Variants in PACRG observed in about 807,000 individuals in gnomAD.
PACRG encodes the protein parkin coregulated gene protein.
PACRG carries 29 observed loss-of-function variants against 29.7 expected under a neutral mutation model. The observed-to-expected ratio is 0.98, with a 90% CI of 0.73 to 1.33. PACRG has a LOEUF of 1.33. Among genes scored for constraint, PACRG ranks in the 40% most tolerant of loss-of-function variants. PACRG has a pLI of 0.00. For missense variants in PACRG, 279 were observed against 316.2 expected (o/e 0.88, Z 0.89); for synonymous variants, 116 against 118.7 (o/e 0.98, Z 0.15).
chr6:162,939,796 C>T (rs866044129), intron 2 of PACRG, among the ~76,000 whole-genome samples: 16 of 151,982 alleles, frequency 1.1e-4, no homozygotes, highest in Middle Eastern at 3.4e-3. Flanking sequence ...TATTTTACTT[C>T]GATTTAAGCA....
At chr6:163,232,281 G>A (rs377172635) in intron 4 of PACRG, among the ~76,000 whole-genome samples, 2 of 152,132 alleles carry the variant, frequency 1.3e-5, no homozygotes, top group East Asian at 1.9e-4. Flanking sequence ...ACCAGGTGCC[G>A]TGTCCCGCTG....
At chr6:163,193,299 T>G (rs1780300509) in intron 4 of PACRG, among the ~76,000 whole-genome samples, 1 of 152,120 alleles carries the variant, frequency 6.6e-6, no homozygotes, top group South Asian at 2.1e-4. Context: ...AGAGTGAAAA[T>G]GGGTGTCAGT....
At chr6:162,765,365 T>C (rs1431823856) in intron 1 of PACRG, among the ~76,000 whole-genome samples, 1 of 152,132 alleles carries the variant, frequency 6.6e-6, no homozygotes, top group Non-Finnish European at 1.5e-5. Flanking sequence ...CCCAGTACTA[T>C]TTTCCAGTGC....
intron 4 of PACRG, among the ~76,000 whole-genome samples, chr6:163,150,420 T>G (rs1778033119): frequency 6.6e-6 from 1 of 152,154 alleles, no homozygotes; most frequent in Non-Finnish European, 1.5e-5. Context: ...GGACCTTACC[T>G]TCCTGCTCCC....
chr6:162,851,985 AAGGG>A (rs138868271), intron 2 of PACRG, among the ~76,000 whole-genome samples: 8,630 of 113,884 alleles, frequency 0.076, 489 homozygotes, highest in East Asian at 0.21. Context: ...GAGAAAAGAA[AAGGG>A]AGGGAGGGAG....
rs80268419 is a variant in PACRG, at chr6:163,000,372, T to G, written c.292-61778T>G. Among the ~76,000 whole-genome samples, 109 of 152,260 alleles carry G rather than the reference T, an allele frequency of 7.2e-4. 3 individuals are homozygous for G. In the East Asian group the frequency reaches 0.015, roughly 21 times the overall value. ...CAGAAGTCACCCTCTGAGAACACTG[T>G]TGGAGATCACTTCCTGGGCTTTCGA... On this transcript the variant is annotated intron_variant, in intron 2 of 4. Transcript: ENST00000366888.
intron 2 of PACRG, among the ~76,000 whole-genome samples, chr6:163,003,531 A>G (rs764357948): frequency 6.6e-6 from 1 of 152,166 alleles, no homozygotes; most frequent in African/African-American, 2.4e-5. Context: ...AACATTTCCA[A>G]CTCAAACTTC....
intron 4 of PACRG, among the ~76,000 whole-genome samples, chr6:163,282,064 C>G (rs1250604601): frequency 6.6e-6 from 1 of 151,900 alleles, no homozygotes; most frequent in Non-Finnish European, 1.5e-5. Context: ...GTTTGGGTCA[C>G]TTGAAAAAAA....
chr6:163,032,203 A>C (rs1455423976), intron 2 of PACRG, among the ~76,000 whole-genome samples: 1 of 152,256 alleles, frequency 6.6e-6, no homozygotes, highest in Admixed American at 6.5e-5. Flanking sequence ...CTTGACTCTG[A>C]AAAGCAAAAC....
chr6:163,125,871 T>C (rs565884563), intron 4 of PACRG, among the ~76,000 whole-genome samples: 1 of 152,350 alleles, frequency 6.6e-6, no homozygotes, highest in Admixed American at 6.5e-5. Context: ...TTTCTGAATT[T>C]TCTGAAATAG....
At chr6:162,865,501 G>C (rs1406285716) in intron 2 of PACRG, among the ~76,000 whole-genome samples, 1 of 152,126 alleles carries the variant, frequency 6.6e-6, no homozygotes, top group Non-Finnish European at 1.5e-5. Context: ...CTACATGGAT[G>C]CCTTTTAAAC....
At chr6:162,807,220 C>A (rs769023600) in intron 1 of PACRG, among the ~76,000 whole-genome samples, 1 of 152,170 alleles carries the variant, frequency 6.6e-6, no homozygotes, top group African/African-American at 2.4e-5. Flanking sequence ...AAACTTTTTC[C>A]GTATCAGCAA....
At chr6:163,297,014 AATTGTC>A (rs2128188817) in intron 4 of PACRG, among the ~76,000 whole-genome samples, 1 of 152,378 alleles carries the variant, frequency 6.6e-6, no homozygotes, top group Non-Finnish European at 1.5e-5. Context: ...AATAGCTGTC[AATTGTC>A]GATCTGATTT....
At chr6:162,817,992 C>T (rs1489852783) in intron 2 of PACRG, among the ~76,000 whole-genome samples, 1 of 152,082 alleles carries the variant, frequency 6.6e-6, no homozygotes, top group Non-Finnish European at 1.5e-5. Flanking sequence ...AATATGAAAT[C>T]TACCGGCAAG....
intron 1 of PACRG, among the ~76,000 whole-genome samples, chr6:162,795,569 A>G (rs190834334): frequency 1.2e-4 from 18 of 152,220 alleles, no homozygotes; most frequent in Admixed American, 9.8e-4. Context: ...TTCCTGACTA[A>G]TTTTTTAAAA....
At chr6:162,848,891 G>A (rs1475744592) in intron 2 of PACRG, among the ~76,000 whole-genome samples, 1 of 152,244 alleles carries the variant, frequency 6.6e-6, no homozygotes, top group African/African-American at 2.4e-5. Flanking sequence ...TGTGAGGTCT[G>A]TGTATATAAA....
intron 4 of PACRG, among the ~76,000 whole-genome samples, chr6:163,089,750 A>G (rs1033755048): frequency 1.3e-5 from 2 of 152,086 alleles, no homozygotes; most frequent in Non-Finnish European, 2.9e-5. Context: ...TAGTGATTCT[A>G]CCTTTAGATA....
chr6:163,035,555 A>C (rs1390436931), intron 2 of PACRG, among the ~76,000 whole-genome samples: 1 of 152,170 alleles, frequency 6.6e-6, no homozygotes, highest in Non-Finnish European at 1.5e-5. Flanking sequence ...CTGAGGCAGG[A>C]GAATCACTTG....
chr6:163,110,088 C>G (rs1303036547), intron 4 of PACRG, among the ~76,000 whole-genome samples: 1 of 152,020 alleles, frequency 6.6e-6, no homozygotes, highest in Admixed American at 6.6e-5. Context: ...GATAGAAATC[C>G]AGGGGAAAGA....
Sources: gnomAD v4.1 joint callset for allele counts (sites outside exome capture counted in the v4.1 genomes callset) on GRCh38, gnomAD v4.1.1 for gene constraint, MANE v1.5 for transcripts, NCBI Gene and HGNC (gene_info 2026-07-23, HGNC 2026-07-21) for gene names.